Variants in MAST4 observed in about 807,000 individuals in gnomAD.
MAST4 encodes the protein microtubule-associated serine/threonine-protein kinase 4.
A neutral mutation model predicts 162.7 loss-of-function variants in MAST4; 89 were observed. The ratio of observed to expected loss-of-function variants is 0.55; its 90% CI spans 0.46 to 0.65. The LOEUF (loss-of-function observed/expected upper bound fraction) is 0.65. MAST4 is among the 30% of genes least tolerant of loss of function. The pLI is 0.00. For synonymous variants in MAST4, 1,479 were observed against 1,361.1 expected, an observed-to-expected ratio of 1.09 and a Z score of -1.91; for missense variants, 3,153 against 3,374.0, an observed-to-expected ratio of 0.93 and a Z score of 1.62.
At chr5:66,843,695 G>A (rs1758590680) in intron 3 of MAST4, among the ~76,000 whole-genome samples, 1 of 152,028 alleles carries the variant, frequency 6.6e-6, no homozygotes, top group Admixed American at 6.6e-5. Context: ...CACTTTCTGG[G>A]AGCCATATCA....
At chr5:66,928,226 G>C (rs968337258) in intron 4 of MAST4, among the ~76,000 whole-genome samples, 1 of 152,188 alleles carries the variant, frequency 6.6e-6, no homozygotes, top group African/African-American at 2.4e-5. Context: ...CTAGAAGGCA[G>C]ATTCTATCTG....
At chr5:67,038,486 G>A (rs1479644211) in intron 4 of MAST4, among the ~76,000 whole-genome samples, 2 of 151,988 alleles carry the variant, frequency 1.3e-5, no homozygotes, top group Non-Finnish European at 2.9e-5. Context: ...GATTTTTGGT[G>A]GAGTAACGTG....
chr5:66,884,031 A>G (rs1359858456), intron 3 of MAST4, among the ~76,000 whole-genome samples: 1 of 152,206 alleles, frequency 6.6e-6, no homozygotes, highest in Non-Finnish European at 1.5e-5. Context: ...ACTAAGTACA[A>G]TAGCTGGTAT....
chr5:66,997,850 T>C (rs896012479), intron 4 of MAST4, among the ~76,000 whole-genome samples: 3 of 152,236 alleles, frequency 2.0e-5, no homozygotes, highest in East Asian at 3.8e-4. Flanking sequence ...ATAGAAGTGA[T>C]ATAACTTAAT....
In MAST4 at chr5:67,166,057, G is replaced by A. The variant is rs2151141284; in HGVS notation, c.6878G>A (p.Arg2293Gln). The A allele has an allele frequency of 6.2e-7, 1 of 1,613,740 alleles. No homozygotes were observed. The highest frequency in any genetic ancestry group is 2.2e-5 in the East Asian group (1 of 44,868). The change falls in exon 29 of 29, where the codon CGG becomes CAG. Residue 2293 changes from arginine (R) to glutamine (Q), a missense_variant. Arg to Gln is a conservative substitution (Grantham distance 43). This residue lies in a region of MAST4 where 1,644 missense variants were observed against 1,495.0 expected (regional missense o/e 1.10). Transcript: ENST00000403625. ...AAGCCACAACCCACCAGTGGTGGGC[G>A]GCCCCTGGAGGTGCTGGAGAAGCCT... ...DAKPQPTSGG[R>Q]PLEVLEKPVH...
At chr5:67,011,102 G>A (rs537382) in intron 4 of MAST4, among the ~76,000 whole-genome samples, 125,105 of 152,112 alleles carry the variant, frequency 0.82, 51,537 homozygotes, top group East Asian at 0.87. Context: ...AATTTCTTCC[G>A]TAGCCTTATG....
At chr5:67,028,739 G>A (rs943735524) in intron 4 of MAST4, among the ~76,000 whole-genome samples, 1 of 152,116 alleles carries the variant, frequency 6.6e-6, no homozygotes, top group Non-Finnish European at 1.5e-5. Context: ...TTCAGTTTGG[G>A]ATTCATTGGA....
At chr5:66,635,025 G>A (rs1487227219) in intron 1 of MAST4, among the ~76,000 whole-genome samples, 1 of 152,170 alleles carries the variant, frequency 6.6e-6, no homozygotes, top group East Asian at 1.9e-4. Flanking sequence ...GAAAAGCTTT[G>A]GGCCTTCCTT....
At chr5:66,924,286 T>A (rs1419401041) in intron 4 of MAST4, among the ~76,000 whole-genome samples, 2 of 152,188 alleles carry the variant, frequency 1.3e-5, no homozygotes, top group Non-Finnish European at 2.9e-5. Flanking sequence ...CCAGTAATTA[T>A]TTTGGAGAAT....
At chr5:66,779,524 A>G (rs565088892) in intron 2 of MAST4, among the ~76,000 whole-genome samples, 122 of 150,734 alleles carry the variant, frequency 8.1e-4, no homozygotes, top group African/African-American at 2.7e-3. Context: ...AAGAAGAGTG[A>G]TTTAGCAGCA....
intron 1 of MAST4, among the ~76,000 whole-genome samples, chr5:66,696,879 A>T (rs886746762): frequency 6.6e-6 from 1 of 152,216 alleles, no homozygotes; most frequent in Non-Finnish European, 1.5e-5. Flanking sequence ...GCAGTAAATA[A>T]TGGCACTTTC....
chr5:66,790,383 C>T (rs886509618), intron 3 of MAST4, among the ~76,000 whole-genome samples: 6 of 152,092 alleles, frequency 3.9e-5, no homozygotes, highest in African/African-American at 1.4e-4. Flanking sequence ...AAGTCCCTTT[C>T]TTCTCTGGAA....
At chr5:66,897,419 T>A (rs933729597) in intron 3 of MAST4, among the ~76,000 whole-genome samples, 1 of 152,248 alleles carries the variant, frequency 6.6e-6, no homozygotes, top group Non-Finnish European at 1.5e-5. Context: ...AGGTGCAGAT[T>A]TATCAGCATG....
At chr5:66,644,753 T>G (rs935830198) in intron 1 of MAST4, among the ~76,000 whole-genome samples, 1 of 151,840 alleles carries the variant, frequency 6.6e-6, no homozygotes, top group Non-Finnish European at 1.5e-5. Flanking sequence ...AGTAGTTTTT[T>G]TTTTTTTTTT....
At chr5:66,818,086 T>G (rs1466138144) in intron 3 of MAST4, among the ~76,000 whole-genome samples, 3 of 152,244 alleles carry the variant, frequency 2.0e-5, no homozygotes, top group Non-Finnish European at 4.4e-5. Flanking sequence ...AATAGTAGTT[T>G]CCAGGTCCTG....
intron 1 of MAST4, among the ~76,000 whole-genome samples, chr5:66,754,840 A>C (rs1667069676): frequency 6.6e-6 from 1 of 152,224 alleles, no homozygotes; most frequent in South Asian, 2.1e-4. Context: ...AGGGCATCCC[A>C]GGAAGAGTGA....
intron 1 of MAST4, among the ~76,000 whole-genome samples, chr5:66,613,077 A>G (rs1273114820): frequency 6.6e-6 from 1 of 152,150 alleles, no homozygotes; most frequent in African/African-American, 2.4e-5. Context: ...CAATGTTTAC[A>G]ATTAATATAT....
At chr5:66,862,838 TCC>T (rs1760216887) in intron 3 of MAST4, among the ~76,000 whole-genome samples, 4 of 152,178 alleles carry the variant, frequency 2.6e-5, no homozygotes, top group Non-Finnish European at 5.9e-5. Flanking sequence ...GAAGCTGATG[TCC>T]AGGAAGGCTG....
At chr5:66,821,863 T>C (rs1158063901) in intron 3 of MAST4, among the ~76,000 whole-genome samples, 1 of 152,006 alleles carries the variant, frequency 6.6e-6, no homozygotes, top group Non-Finnish European at 1.5e-5. Context: ...AAGCAGATGC[T>C]TGGTGAGATG....
Sources: gnomAD v4.1 joint callset for allele counts (sites outside exome capture counted in the v4.1 genomes callset) on GRCh38, gnomAD v4.1.1 for gene constraint, gnomAD v4.1.1 regional missense constraint, MANE v1.5 for transcripts, NCBI Gene and HGNC (gene_info 2026-07-23, HGNC 2026-07-21) for gene names.